Variants in RAB40B observed in about 807,000 individuals in gnomAD.
RAB40B encodes RAB40B, member RAS oncogene family, also known as ras-related protein Rab-40B.
In RAB40B, 21 loss-of-function variants were observed where a neutral mutation model predicts 24.0. The ratio of observed to expected loss-of-function variants is 0.88; its 90% CI spans 0.62 to 1.26. RAB40B has a LOEUF of 1.26. Among genes scored for constraint, RAB40B ranks in the 50% most tolerant of loss-of-function variants. The pLI is 0.00. For synonymous variants in RAB40B, 167 were observed against 169.8 expected, an observed-to-expected ratio of 0.98 and a Z score of 0.13; for missense variants, 348 against 390.5, an observed-to-expected ratio of 0.89 and a Z score of 0.92.
intron 1 of RAB40B, among the ~76,000 whole-genome samples, chr17:82,666,583 C>T (rs1019885187): frequency 1.3e-5 from 2 of 152,046 alleles, no homozygotes; most frequent in East Asian, 1.9e-4. Flanking sequence ...TTTCCCCGCC[C>T]CCATCACCCC....
chr17:82,673,544 T>C (rs2046361839), intron 1 of RAB40B, among the ~76,000 whole-genome samples: 2 of 152,212 alleles, frequency 1.3e-5, no homozygotes, highest in Non-Finnish European at 2.9e-5. Context: ...AAAATGTCTT[T>C]AGGCTGCCCT....
intron 1 of RAB40B, among the ~76,000 whole-genome samples, chr17:82,674,812 G>A (rs1417664605): frequency 2.6e-5 from 4 of 152,012 alleles, no homozygotes; most frequent in Admixed American, 6.6e-5. Context: ...TGGGAAGAAC[G>A]AACCCCAGAA....
At chr17:82,664,395 G>T in intron 2 of RAB40B, 101 bp downstream of exon 2, 1 of 1,162,196 alleles carries the variant, frequency 8.6e-7, no homozygotes, top group Non-Finnish European at 1.2e-6. Context: ...GGTGGTGGGG[G>T]ATGGGTGCTC....
At chr17:82,689,865 G>A (rs1447424439) in intron 1 of RAB40B, among the ~76,000 whole-genome samples, 1 of 151,964 alleles carries the variant, frequency 6.6e-6, no homozygotes, top group East Asian at 1.9e-4. Flanking sequence ...CTACTCAGGA[G>A]GCTGAGGCAG....
At chr17:82,668,496 C>T (rs933354747) in intron 1 of RAB40B, among the ~76,000 whole-genome samples, 1 of 152,254 alleles carries the variant, frequency 6.6e-6, no homozygotes, top group African/African-American at 2.4e-5. Context: ...CACTGAGCCA[C>T]CCTCAGCCCT....
intron 1 of RAB40B, among the ~76,000 whole-genome samples, chr17:82,686,049 G>A (rs546629678): frequency 3.3e-4 from 49 of 148,902 alleles, no homozygotes; most frequent in South Asian, 2.3e-3. Context: ...TGATCTGCCC[G>A]CCTTGGCCTC....
Position 82,658,026 on chromosome 17 carries a change from A to G in RAB40B, c.674T>C (p.Phe225Ser), listed in dbSNP as rs1252252750. The G allele has an allele frequency of 1.9e-6, 3 of 1,614,018 alleles. No individual in the cohort carries two copies. The African/African-American group carries it at 4.0e-5, about 22-fold the overall frequency. The change falls in exon 6 of 6, where the codon TTC becomes TCC. Residue 225 changes from phenylalanine (F) to serine (S), a missense_variant. Coordinates refer to ENST00000571995, the MANE Select transcript of RAB40B (RefSeq NM_006822.3). ...GGCATTCAGGCCGTTGGCCATCGAG[A>G]AGGACTTGAGGTGGCTTCTTAAGGC... is the stretch of plus-strand genomic sequence containing the variant. The part of the protein sequence containing the change: ...PIALRSHLKS[F>S]SMANGLNARM...
At chr17:82,689,811 A>G (rs562847572) in intron 1 of RAB40B, among the ~76,000 whole-genome samples, 22 of 152,004 alleles carry the variant, frequency 1.4e-4, no homozygotes, top group Non-Finnish European at 2.9e-4. Flanking sequence ...CACTAAAACT[A>G]CAAAAAATTA....
chr17:82,685,512 C>CTTT (rs2046490555), intron 1 of RAB40B, among the ~76,000 whole-genome samples: 1 of 152,134 alleles, frequency 6.6e-6, no homozygotes, highest in Non-Finnish European at 1.5e-5. Context: ...AGCAGTGAAA[C>CTTT]GCTCAGATGG....
In RAB40B at chr17:82,661,067, C is replaced by A. The variant is rs1345623912; in HGVS notation, c.204-20G>T. On this transcript the variant is annotated intron_variant, in intron 2 of 5. Transcript: ENST00000571995. ...GTATCCCTGGAAAAGATGTTGGAGACCATTAAGAAGAAACCAGTGCTTCTT... is the reference window on the plus strand; with the variant it reads ...GTATCCCTGGAAAAGATGTTGGAGAACATTAAGAAGAAACCAGTGCTTCTT... 6.2e-7 allele frequency: 1 copy of A among 1,613,426 alleles called. No individual in the cohort carries two copies. The highest frequency in any genetic ancestry group is 8.5e-7 in the Non-Finnish European group (1 of 1,179,848).
Position 82,657,745 on chromosome 17 carries a change from A to G in RAB40B, c.*118T>C. ...TTCCATCACACGGAAGGCGTCGCAC[A>G]CATTCGCAAGCAGCATTCGCCGAGA... On this transcript the variant is annotated 3_prime_UTR_variant, in exon 6 of 6. Transcript: ENST00000571995. The G allele has an allele frequency of 8.1e-7, 1 of 1,233,422 alleles. No individual in the cohort carries two copies. The allele number at this position is 1,233,422 out of a possible 1,614,324, so 76.4% of individuals were successfully genotyped here. A position where few individuals can be genotyped will look rare whatever the true frequency, so the allele number is the denominator to read the frequency against.
At chr17:82,691,277 G>A (rs1254822928) in intron 1 of RAB40B, among the ~76,000 whole-genome samples, 1 of 152,214 alleles carries the variant, frequency 6.6e-6, no homozygotes, top group African/African-American at 2.4e-5. Context: ...TGAAGAAACA[G>A]CCAGGAGAAA....
intron 4 of RAB40B, 163 bp from the exon 5 acceptor site, chr17:82,658,876 A>G: frequency 1.6e-6 from 1 of 634,672 alleles, no homozygotes; most frequent in South Asian, 2.0e-5. Flanking sequence ...AGACGTAAAT[A>G]GTTACGGTGC....
At position 82,664,741 on chromosome 17, in the gene RAB40B, C is replaced by T. The variant is rs925129270; in HGVS notation, c.143-185G>A. 1.5e-4 allele frequency: 89 copies of T among 581,626 alleles called. 1 individual carries two copies. Among genetic ancestry groups the T allele is most frequent in the Admixed American group, 7.8e-4 (25 of 32,122 alleles). 36.0% of individuals were successfully genotyped at this position (581,626 alleles called of 1,614,324 possible). On this transcript the variant is annotated intron_variant, in intron 1 of 5. Transcript: ENST00000571995. ...GGCCCTGCCTGCGCCCTCCCGCACCCGGGCCCCTCCTGTCCTCAGCCGCCT... is the reference window on the plus strand; with the variant it reads ...GGCCCTGCCTGCGCCCTCCCGCACCTGGGCCCCTCCTGTCCTCAGCCGCCT...
chr17:82,662,109 G>T lies in RAB40B; in HGVS notation c.204-1062C>A, dbSNP rs534586026. The T allele has an allele frequency of 3.0e-6, 3 of 985,380 alleles. No homozygotes were observed. In the African/African-American group the frequency reaches 5.2e-5, roughly 17 times the overall value. The allele number at this position is 985,380 out of a possible 1,614,324, so 61.0% of individuals were successfully genotyped here. ...ACGGATGAGCGGTGGGACGCGGCATGGTTTTGCTGTTTGTGTCACATGCAC... is the reference window on the plus strand; with the variant it reads ...ACGGATGAGCGGTGGGACGCGGCATTGTTTTGCTGTTTGTGTCACATGCAC... On this transcript the variant is annotated intron_variant, in intron 2 of 5. Transcript: ENST00000571995.
rs753403115 is a variant in RAB40B at position 82,671,440 on chromosome 17, TACTA to T, written c.143-6888_143-6885del. Among the ~76,000 whole-genome samples, 13 of 109,862 alleles carry T rather than the reference TACTA, an allele frequency of 1.2e-4. 1 individual carries two copies. Among genetic ancestry groups the T allele is most frequent in the Non-Finnish European group, 1.5e-4 (8 of 54,690 alleles). The allele number at this position is 109,862 out of a possible 152,430, so 72.1% of individuals were successfully genotyped here. On this transcript the variant is annotated intron_variant, in intron 1 of 5. Transcript: ENST00000571995. The stretch of plus-strand genomic sequence containing the variant: ...AACTCTAACACACACACGCTCCCTG[TACTA>T]ACTGACACACCCCACCCCTGTAACT...
At position 82,657,713 on chromosome 17, in the gene RAB40B, A is replaced by T; in HGVS notation, c.*150T>A. 1.1e-6 allele frequency: 1 copy of T among 939,026 alleles called. No homozygotes were observed. Among genetic ancestry groups the T allele is most frequent in the Non-Finnish European group, 1.7e-6 (1 of 572,406 alleles). 58.2% of individuals were successfully genotyped at this position (939,026 alleles called of 1,614,324 possible). On this transcript the variant is annotated 3_prime_UTR_variant, in exon 6 of 6. Coordinates refer to ENST00000571995, the MANE Select transcript of RAB40B (RefSeq NM_006822.3). ...GTAGAAATTCGAAGTCCGACGGGGT[A>T]GTGTGTTTCCATCACACGGAAGGCG... is the stretch of plus-strand genomic sequence containing the variant.
chr17:82,675,213 G>A lies in RAB40B; in HGVS notation c.143-10657C>T, dbSNP rs767018687. ...ATAAACAAGAACTGGAAATAAAATC[G>A]AACTCAGTGATAATGATTTCATTAT... On this transcript the variant is annotated intron_variant, in intron 1 of 5. Coordinates refer to ENST00000571995, the MANE Select transcript of RAB40B (RefSeq NM_006822.3). This position sits in a 1 kb window ranked among gnomAD's most constrained non-coding sequence, Gnocchi z 4.5. 2.0e-5 allele frequency among the ~76,000 whole-genome samples: 3 copies of A among 152,106 alleles called. No homozygotes were observed. Among genetic ancestry groups the A allele is most frequent in the Non-Finnish European group, 4.4e-5 (3 of 68,028 alleles).
intron 1 of RAB40B, among the ~76,000 whole-genome samples, chr17:82,693,789 G>C (rs2046581852): frequency 6.6e-6 from 1 of 152,066 alleles, no homozygotes; most frequent in Admixed American, 6.6e-5. Flanking sequence ...CACAGTCACA[G>C]AAGTGCACAT....
Sources: allele counts gnomAD v4.1 joint callset (sites outside exome capture counted in the v4.1 genomes callset), GRCh38; gene constraint gnomAD v4.1.1; non-coding constraint Gnocchi (gnomAD v3.1); transcripts MANE v1.5; gene names NCBI Gene and HGNC (gene_info 2026-07-23, HGNC 2026-07-21).